Variants in LCA5 observed in about 807,000 individuals in gnomAD.
The protein encoded by LCA5 is lebercilin.
A neutral mutation model predicts 53.0 loss-of-function variants in LCA5; 37 were observed. The observed-to-expected ratio is 0.70, with a 90% CI of 0.54 to 0.92. The LOEUF (loss-of-function observed/expected upper bound fraction) is 0.92. LCA5 is among the 40% of genes least tolerant of loss of function. The pLI, the probability that LCA5 is intolerant of heterozygous loss-of-function variation, is 0.00. For missense variants in LCA5, 806 were observed against 790.5 expected (o/e 1.02, Z -0.23); for synonymous variants, 303 against 282.9 (o/e 1.07, Z -0.71).
At chr6:79,532,935 A>G (rs1179384034) in intron 1 of LCA5, among the ~76,000 whole-genome samples, 1 of 152,254 alleles carries the variant, frequency 6.6e-6, no homozygotes, top group South Asian at 2.1e-4. Flanking sequence ...CCATTTTATA[A>G]AATTTTCCTT....
intron 3 of LCA5, among the ~76,000 whole-genome samples, chr6:79,504,666 T>C (rs921424168): frequency 1.3e-5 from 2 of 152,162 alleles, no homozygotes; most frequent in African/African-American, 2.4e-5. Flanking sequence ...TAGGCCAAAC[T>C]TAAAATATGA....
intron 5 of LCA5, 65 bp from the exon 6 acceptor site, chr6:79,491,795 C>G (rs1010649584): frequency 1.4e-6 from 2 of 1,412,716 alleles, no homozygotes; most frequent in African/African-American, 2.9e-5. Context: ...TGGAATTCAG[C>G]TGGCATGTAT....
At chr6:79,513,144 GA>G (rs1562106019) in intron 3 of LCA5, 67 bp downstream of exon 3, 1 of 1,435,268 alleles carries the variant, frequency 7.0e-7, no homozygotes, top group African/African-American at 1.4e-5. Context: ...GCAATTTTAA[GA>G]GAGCACATTA....
rs192621721 is a variant in LCA5 at position 79,535,652 on chromosome 6, A to G, written c.-192+1513T>C. The stretch of plus-strand genomic sequence containing the variant: ...CATACTGAGTTTGGGATGCCTATGG[A>G]TAGGAAATTTATGTGGAAATACCAA... On this transcript the variant is annotated intron_variant, in intron 1 of 7. Transcript: ENST00000369846. Among the ~76,000 whole-genome samples, 4 of 152,290 alleles carry G rather than the reference A, an allele frequency of 2.6e-5. No individual in the cohort carries two copies. The East Asian group carries it at 7.7e-4, about 29-fold the overall frequency.
intron 3 of LCA5, among the ~76,000 whole-genome samples, chr6:79,501,125 C>T (rs1432010052): frequency 6.6e-6 from 1 of 152,024 alleles, no homozygotes; most frequent in Non-Finnish European, 1.5e-5. Context: ...CCAGGGCTCC[C>T]CATAGTGTAC....
chr6:79,526,561 A>G (rs1766797374), intron 1 of LCA5, among the ~76,000 whole-genome samples: 1 of 152,138 alleles, frequency 6.6e-6, no homozygotes, highest in East Asian at 1.9e-4. Context: ...AAAACAAAAC[A>G]AAACAACAAA....
chr6:79,512,163 T>C (rs1022255795), intron 3 of LCA5, among the ~76,000 whole-genome samples: 1 of 152,186 alleles, frequency 6.6e-6, no homozygotes, highest in African/African-American at 2.4e-5. Context: ...TTGTTTACGG[T>C]AACTGTTCTG....
At position 79,513,698 on chromosome 6, in the gene LCA5, T is replaced by C. The variant is rs752272712; in HGVS notation, c.234A>G (p.Gly78=). 6.2e-7 allele frequency: 1 copy of C among 1,613,730 alleles called. No individual in the cohort carries two copies. The highest frequency in any genetic ancestry group is 8.5e-7 in the Non-Finnish European group (1 of 1,179,766). The change falls in exon 3 of 8, where the codon GGA becomes GGG. Residue 78 remains glycine (G), a synonymous_variant. Transcript: ENST00000369846. ...PSPKGLPNRK[G]VRVGFRSQSL... ...TCTGGGAGCGAAATCCCACTCGGAC[T>C]CCCTTTCTGTTTGGTAGACCCTTAG...
upstream of LCA5, among the ~76,000 whole-genome samples, chr6:79,537,788 G>T (rs1381007303): frequency 6.6e-6 from 1 of 152,114 alleles, no homozygotes; most frequent in Non-Finnish European, 1.5e-5. Flanking sequence ...GATTTCCTTT[G>T]GGAAATAACT....
chr6:79,530,862 A>C (rs1198977708), intron 1 of LCA5, among the ~76,000 whole-genome samples: 1 of 152,202 alleles, frequency 6.6e-6, no homozygotes, highest in Non-Finnish European at 1.5e-5. Flanking sequence ...ATAAAAAAGA[A>C]AAGACATAAA....
chr6:79,514,424 A>G (rs755610225), intron 2 of LCA5, among the ~76,000 whole-genome samples: 1 of 152,168 alleles, frequency 6.6e-6, no homozygotes, highest in Non-Finnish European at 1.5e-5. Context: ...AGGAGTATAA[A>G]TTAGTTCAAC....
chr6:79,495,339 T>G (rs778267454), intron 3 of LCA5, among the ~76,000 whole-genome samples: 25 of 152,192 alleles, frequency 1.6e-4, no homozygotes, highest in Middle Eastern at 6.8e-3. Flanking sequence ...AAAGGACTTG[T>G]ATGAAGAAAT....
intron 3 of LCA5, among the ~76,000 whole-genome samples, chr6:79,509,365 A>G (rs1770349913): frequency 6.6e-6 from 1 of 151,832 alleles, no homozygotes; most frequent in African/African-American, 2.4e-5. Context: ...GAGGCAGGAG[A>G]ATCGCTTGAA....
Position 79,517,739 on chromosome 6 carries a change from A to T in LCA5, c.190+966T>A, listed in dbSNP as rs569301006. Among the ~76,000 whole-genome samples the T allele has an allele frequency of 1.2e-4, 18 of 152,312 alleles. No homozygotes were observed. The South Asian group carries it at 3.7e-3, about 32-fold the overall frequency. Reference sequence around the variant, plus strand: ...ATTCTTTGCAGTTTTTAATAAGCGAATATTATTTTTTGAAGTAAAAATTTA... The same window carrying T: ...ATTCTTTGCAGTTTTTAATAAGCGATTATTATTTTTTGAAGTAAAAATTTA... On this transcript the variant is annotated intron_variant, in intron 2 of 7. Transcript: ENST00000369846.
intron 5 of LCA5, among the ~76,000 whole-genome samples, 184 bp downstream of exon 5, chr6:79,492,367 G>GA (rs34617784): frequency 1.9e-3 from 289 of 151,744 alleles, no homozygotes; most frequent in African/African-American, 6.4e-3. Flanking sequence ...CACTTCAGGG[G>GA]AAAAAAATGG....
At chr6:79,529,394 G>T (rs1562114248) in intron 1 of LCA5, among the ~76,000 whole-genome samples, 1 of 152,302 alleles carries the variant, frequency 6.6e-6, no homozygotes, top group East Asian at 1.9e-4. Context: ...GCCTGCAAAT[G>T]TAACAAACCG....
chr6:79,529,668 G>A (rs938693516), intron 1 of LCA5, among the ~76,000 whole-genome samples: 3 of 151,968 alleles, frequency 2.0e-5, no homozygotes, highest in African/African-American at 4.8e-5. Flanking sequence ...TGTTTATTGC[G>A]GCACTACTCA....
chr6:79,516,553 G>T (rs1225694602), intron 2 of LCA5, among the ~76,000 whole-genome samples: 1 of 151,898 alleles, frequency 6.6e-6, no homozygotes, highest in East Asian at 1.9e-4. Flanking sequence ...CTAAAACTCT[G>T]AGTATAAATT....
chr6:79,508,257 C>T lies in LCA5; in HGVS notation c.720+4955G>A, dbSNP rs573928916. 5.9e-5 allele frequency among the ~76,000 whole-genome samples: 9 copies of T among 152,296 alleles called. No homozygotes were observed. The South Asian group carries it at 1.2e-3, about 21-fold the overall frequency. On this transcript the variant is annotated intron_variant, in intron 3 of 7. Transcript: ENST00000369846. ...TTTCTGAAGGAGGACAGACAACTGT[C>T]ATGGTGGTTGTCCCCATAGATACCT...
Sources: gnomAD v4.1 joint callset for allele counts (sites outside exome capture counted in the v4.1 genomes callset) on GRCh38, gnomAD v4.1.1 for gene constraint, MANE v1.5 for transcripts, NCBI Gene and HGNC (gene_info 2026-07-23, HGNC 2026-07-21) for gene names.